The following HHAT variants were observed in gnomAD, a reference collection of about 807,000 sequenced individuals.
The protein encoded by HHAT is protein-cysteine N-palmitoyltransferase HHAT.
Under a neutral mutation model 70.8 loss-of-function variants are expected in HHAT, and 47 were observed. That is an observed-to-expected ratio of 0.66 (90% CI 0.53 to 0.85). HHAT has a LOEUF of 0.85. HHAT is among the 40% of genes least tolerant of loss of function. The pLI is 0.00. For synonymous variants in HHAT, 228 were observed against 247.6 expected (o/e 0.92, Z 0.74); for missense variants, 609 against 604.8 (o/e 1.01, Z -0.07).
intron 10 of HHAT, among the ~76,000 whole-genome samples, chr1:210,602,480 C>T (rs890105088): frequency 5.9e-5 from 9 of 152,066 alleles, no homozygotes; most frequent in African/African-American, 2.2e-4. Context: ...GAGAACAGTG[C>T]GTGCGCTACC....
intron 9 of HHAT, among the ~76,000 whole-genome samples, chr1:210,550,578 T>C (rs1214015749): frequency 6.7e-6 from 1 of 149,018 alleles, no homozygotes; most frequent in East Asian, 2.2e-4. Flanking sequence ...AGGGGAAGAC[T>C]AGGGATGAGG....
chr1:210,368,698 C>G (rs1201203151), intron 3 of HHAT, among the ~76,000 whole-genome samples: 2 of 152,160 alleles, frequency 1.3e-5, no homozygotes, highest in Non-Finnish European at 2.9e-5. Flanking sequence ...GTACTTAGTA[C>G]AGAATAGATA....
intron 8 of HHAT, among the ~76,000 whole-genome samples, chr1:210,508,275 A>G (rs1297245666): frequency 6.6e-6 from 1 of 151,918 alleles, no homozygotes; most frequent in African/African-American, 2.4e-5. Context: ...TCACTATGTA[A>G]TAATAATGAT....
intron 8 of HHAT, among the ~76,000 whole-genome samples, chr1:210,511,132 A>C (rs1019557954): frequency 2.6e-5 from 4 of 152,202 alleles, no homozygotes; most frequent in African/African-American, 9.7e-5. Flanking sequence ...ATTTTTAAAA[A>C]ATTTGTGTTA....
intron 9 of HHAT, among the ~76,000 whole-genome samples, chr1:210,553,281 CTCT>C (rs1195800689): frequency 6.6e-6 from 1 of 152,132 alleles, no homozygotes; most frequent in Non-Finnish European, 1.5e-5. Context: ...TGTCCATTTG[CTCT>C]TCTTCAGCTG....
intron 3 of HHAT, among the ~76,000 whole-genome samples, chr1:210,385,589 C>A (rs2090984662): frequency 1.3e-5 from 2 of 152,202 alleles, no homozygotes; most frequent in Admixed American, 1.3e-4. Flanking sequence ...CAGCAAGGGA[C>A]AGGGGCTTTA....
At chr1:210,398,372 A>G (rs2091904764) in intron 4 of HHAT, among the ~76,000 whole-genome samples, 1 of 152,154 alleles carries the variant, frequency 6.6e-6, no homozygotes, top group South Asian at 2.1e-4. Flanking sequence ...GTGTCCTGTG[A>G]TGTCTTAGAA....
intron 1 of HHAT, among the ~76,000 whole-genome samples, chr1:210,338,053 C>CAG (rs1256570568): frequency 9.2e-5 from 14 of 152,236 alleles, no homozygotes; most frequent in Middle Eastern, 3.4e-3. Flanking sequence ...AACTGACAGG[C>CAG]AGAGGATCTG....
intron 9 of HHAT, among the ~76,000 whole-genome samples, chr1:210,550,301 A>G (rs1031621760): frequency 6.7e-6 from 1 of 149,274 alleles, no homozygotes; most frequent in Non-Finnish European, 1.5e-5. Context: ...ATATATGTAC[A>G]TCCAAAAGCA....
chr1:210,530,088 G>A (rs1057415261), intron 9 of HHAT, among the ~76,000 whole-genome samples: 4 of 152,150 alleles, frequency 2.6e-5, no homozygotes, highest in Admixed American at 6.5e-5. Context: ...CAGTTCAAAT[G>A]TTTCTGCTAT....
chr1:210,460,455 C>T (rs371615430), intron 7 of HHAT, among the ~76,000 whole-genome samples: 79 of 152,298 alleles, frequency 5.2e-4, no homozygotes, highest in African/African-American at 1.8e-3. Flanking sequence ...CGTATGTACA[C>T]AATGAATGTT....
intron 9 of HHAT, among the ~76,000 whole-genome samples, chr1:210,517,584 C>A (rs1209923875): frequency 1.3e-5 from 2 of 152,148 alleles, no homozygotes; most frequent in Non-Finnish European, 1.5e-5. Context: ...AAGGAATACA[C>A]AATTTCAGTT....
At chr1:210,551,984 C>T (rs2000394) in intron 9 of HHAT, among the ~76,000 whole-genome samples, 11,453 of 152,276 alleles carry the variant, frequency 0.075, 564 homozygotes, top group South Asian at 0.18. Context: ...CCATCAGCTA[C>T]AATACAATGC....
chr1:210,489,417 A>G (rs909000884), intron 8 of HHAT, among the ~76,000 whole-genome samples: 5 of 152,212 alleles, frequency 3.3e-5, no homozygotes, highest in African/African-American at 1.2e-4. Context: ...TGCCTTACAT[A>G]ATTTAATACA....
intron 9 of HHAT, among the ~76,000 whole-genome samples, chr1:210,520,522 T>C (rs2095140539): frequency 6.9e-6 from 1 of 145,262 alleles, no homozygotes. Context: ...CATTTGTGTA[T>C]CTGCTGTAAT....
chr1:210,673,018 A>G (rs1043372786), intron 11 of HHAT, among the ~76,000 whole-genome samples: 3 of 152,164 alleles, frequency 2.0e-5, no homozygotes, highest in Admixed American at 2.0e-4. Flanking sequence ...AATTGGATTG[A>G]CAAAGGTAAT....
At chr1:210,411,991 G>A (rs2092573435) in intron 6 of HHAT, among the ~76,000 whole-genome samples, 1 of 152,172 alleles carries the variant, frequency 6.6e-6, no homozygotes, top group African/African-American at 2.4e-5. Context: ...TAGAGGCTGG[G>A]AAGTCCAAGA....
chr1:210,633,369 G>A (rs988146216), intron 11 of HHAT, among the ~76,000 whole-genome samples: 10 of 152,202 alleles, frequency 6.6e-5, no homozygotes, highest in Admixed American at 5.2e-4. Context: ...CAAATGCCCG[G>A]TCGCAGCAAT....
chr1:210,407,335 A>T (rs1266911801), intron 6 of HHAT, among the ~76,000 whole-genome samples: 1 of 152,250 alleles, frequency 6.6e-6, no homozygotes, highest in Non-Finnish European at 1.5e-5. Context: ...ATTGAAATGC[A>T]TGGTTCTTAG....
Sources: gnomAD v4.1 joint callset for allele counts (sites outside exome capture counted in the v4.1 genomes callset) on GRCh38, gnomAD v4.1.1 for gene constraint, MANE v1.5 for transcripts, NCBI Gene and HGNC (gene_info 2026-07-23, HGNC 2026-07-21) for gene names.